The following TENM2 variants were observed in gnomAD, a reference collection of about 807,000 sequenced individuals.
The protein encoded by TENM2 is teneurin-2.
Under a neutral mutation model 245.2 loss-of-function variants are expected in TENM2, and 52 were observed. The observed-to-expected ratio is 0.21, with a 90% CI of 0.17 to 0.27. The LOEUF (loss-of-function observed/expected upper bound fraction) is 0.27. Among genes scored for constraint, TENM2 ranks in the 10% least tolerant of loss-of-function variants. The pLI is 1.00. For synonymous variants in TENM2, 1,363 were observed against 1,438.9 expected, an observed-to-expected ratio of 0.95 and a Z score of 1.19; for missense variants, 3,046 against 3,666.8, an observed-to-expected ratio of 0.83 and a Z score of 4.37.
At chr5:167,352,583 C>CT (rs1758990005) in intron 1 of TENM2, among the ~76,000 whole-genome samples, 1 of 152,120 alleles carries the variant, frequency 6.6e-6, no homozygotes, top group African/African-American at 2.4e-5. Flanking sequence ...AGCCTTTGGG[C>CT]TTACAGGATT....
intron 13 of TENM2, among the ~76,000 whole-genome samples, chr5:168,179,535 A>G (rs1401133628): frequency 1.3e-5 from 2 of 152,202 alleles, no homozygotes; most frequent in Non-Finnish European, 2.9e-5. Context: ...GGTTACTCTC[A>G]CTAACTGTCT....
the TENM2 span, among the ~76,000 whole-genome samples, chr5:167,231,913 G>A: frequency 6.6e-6 from 1 of 152,146 alleles, no homozygotes; most frequent in Non-Finnish European, 1.5e-5. Context: ...GCATTTTTGG[G>A]ACTTGGTGCC....
chr5:167,467,443 A>G (rs12655128), intron 2 of TENM2, among the ~76,000 whole-genome samples: 5,200 of 151,938 alleles, frequency 0.034, 315 homozygotes, highest in East Asian at 0.2. Context: ...ATGGACTAAT[A>G]TACTCACCTT....
intron 6 of TENM2, among the ~76,000 whole-genome samples, chr5:168,059,410 A>G (rs1190726923): frequency 6.6e-6 from 1 of 152,166 alleles, no homozygotes; most frequent in Non-Finnish European, 1.5e-5. Context: ...AGCCCAACAG[A>G]CATAAAGGAA....
intron 2 of TENM2, among the ~76,000 whole-genome samples, chr5:167,530,746 G>A (rs1386167391): frequency 6.6e-6 from 1 of 152,162 alleles, no homozygotes; most frequent in East Asian, 1.9e-4. Flanking sequence ...TGTCGCTGCC[G>A]TCCTTTCAGT....
intron 2 of TENM2, among the ~76,000 whole-genome samples, chr5:167,837,802 TG>T (rs1431612518): frequency 1.4e-5 from 2 of 139,840 alleles, no homozygotes; most frequent in Admixed American, 8.2e-5. Flanking sequence ...AAAAAGGGCT[TG>T]GTTTTTTTTT....
At chr5:167,071,876 T>TCGC in the TENM2 span, among the ~76,000 whole-genome samples, 6 of 112,752 alleles carry the variant, frequency 5.3e-5, 1 homozygote, top group Non-Finnish European at 8.4e-5. Flanking sequence ...TTTTGACAAA[T>TCGC]CGCCCCCCCC....
chr5:167,450,988 A>C (rs973633622), intron 2 of TENM2, among the ~76,000 whole-genome samples: 51 of 152,230 alleles, frequency 3.4e-4, no homozygotes, highest in African/African-American at 1.1e-3. Context: ...TTTTTATCAT[A>C]AAAATCATTA....
intron 2 of TENM2, among the ~76,000 whole-genome samples, chr5:167,428,980 T>TTTAAGTG (rs1464993731): frequency 6.6e-6 from 1 of 152,198 alleles, no homozygotes. Flanking sequence ...CCTAATGTCC[T>TTTAAGTG]TTAAGTGTTA....
chr5:167,082,103 TACA>T, the TENM2 span, among the ~76,000 whole-genome samples: 4 of 152,130 alleles, frequency 2.6e-5, no homozygotes, highest in African/African-American at 4.8e-5. Flanking sequence ...TGAAAGTGCT[TACA>T]ACAAGGCTGG....
At chr5:167,350,832 G>A (rs890979973) in intron 1 of TENM2, among the ~76,000 whole-genome samples, 1 of 122,160 alleles carries the variant, frequency 8.2e-6, no homozygotes, top group South Asian at 2.9e-4. Context: ...ATATATATGG[G>A]ATATATACAT....
chr5:167,034,047 T>C, the TENM2 span, among the ~76,000 whole-genome samples: 1 of 152,212 alleles, frequency 6.6e-6, no homozygotes, highest in Admixed American at 6.5e-5. Context: ...ATATTTTTCT[T>C]GTGTATTCTG....
intron 9 of TENM2, among the ~76,000 whole-genome samples, chr5:168,108,859 G>T (rs750522171): frequency 6.6e-6 from 1 of 151,428 alleles, no homozygotes; most frequent in Admixed American, 6.6e-5. Flanking sequence ...TCTGCACCGC[G>T]GAGAACAATG....
At chr5:167,434,157 C>T (rs1056551389) in intron 2 of TENM2, among the ~76,000 whole-genome samples, 1 of 151,980 alleles carries the variant, frequency 6.6e-6, no homozygotes, top group East Asian at 1.9e-4. Flanking sequence ...CGCAGTGGCT[C>T]ACGCCTGTAA....
At chr5:166,992,539 A>G in the TENM2 span, among the ~76,000 whole-genome samples, 2 of 152,214 alleles carry the variant, frequency 1.3e-5, no homozygotes, top group Admixed American at 6.5e-5. Context: ...TGTATTTCAT[A>G]GTTTCAAAGT....
intron 9 of TENM2, among the ~76,000 whole-genome samples, chr5:168,114,215 AT>A (rs1794892649): frequency 1.3e-5 from 2 of 152,262 alleles, no homozygotes; most frequent in African/African-American, 2.4e-5. Context: ...CTGAAAGGCC[AT>A]TTTTTGAAGG....
At chr5:167,713,828 G>C (rs1342011109) in intron 2 of TENM2, among the ~76,000 whole-genome samples, 3 of 152,046 alleles carry the variant, frequency 2.0e-5, no homozygotes, top group Admixed American at 6.6e-5. Flanking sequence ...TTTTTCCTCT[G>C]CTCCCATTTT....
chr5:167,901,810 T>C (rs1408461008), intron 3 of TENM2, among the ~76,000 whole-genome samples: 2 of 152,254 alleles, frequency 1.3e-5, no homozygotes, highest in African/African-American at 4.8e-5. Flanking sequence ...TTTTTTGTTA[T>C]GTAAAATACT....
rs543714543 is a variant in TENM2, at chr5:168,023,087, C to T, written c.1187-24340C>T. On this transcript the variant is annotated intron_variant, in intron 5 of 28. Coordinates refer to ENST00000518659, the Ensembl canonical transcript of TENM2. ...AGCTTTTGCTACTGTCAGCATGCAG[C>T]CTAATAGAGTTGGAAGACAGGGTTC... Among the ~76,000 whole-genome samples the T allele has an allele frequency of 2.0e-5, 3 of 152,256 alleles. No homozygotes were observed. The South Asian group carries it at 6.2e-4, about 32-fold the overall frequency.
Sources: allele counts gnomAD v4.1 joint callset (sites outside exome capture counted in the v4.1 genomes callset), GRCh38; gene constraint gnomAD v4.1.1; transcripts MANE v1.5; gene names NCBI Gene and HGNC (gene_info 2026-07-23, HGNC 2026-07-21).